DNA2: variants seen among roughly 807,000 people sequenced by gnomAD.
DNA2 encodes the protein DNA replication helicase/nuclease 2, also known as DNA replication ATP-dependent helicase/nuclease DNA2.
Under a neutral mutation model 119.1 loss-of-function variants are expected in DNA2, and 101 were observed. The ratio of observed to expected loss-of-function variants is 0.85; its 90% confidence interval spans 0.72 to 1.00. The LOEUF (loss-of-function observed/expected upper bound fraction) is 1.00, where lower values mean the gene tolerates loss of function less well. Ranked by LOEUF, DNA2 falls within the 50% of genes least tolerant of loss-of-function variation. The probability of loss-of-function intolerance (pLI) is 0.00; values close to 1 mark genes in which losing one functional copy is unlikely to be tolerated. For synonymous variants in DNA2, 366 were observed against 424.4 expected (o/e 0.86, Z 1.69); for missense variants, 1,121 against 1,255.5 (o/e 0.89, Z 1.62).
chr10:68,459,349 T>C (rs903113944), intron 4 of DNA2, 114 bp from the exon 5 acceptor site: 34 of 1,107,192 alleles, frequency 3.1e-5, no homozygotes, highest in Non-Finnish European at 3.5e-5. Flanking sequence ...AAAAAATACA[T>C]ATAAGCAACC....
chr10:68,466,665 G>A (rs1432659839), intron 3 of DNA2, among the ~76,000 whole-genome samples: 27 of 149,414 alleles, frequency 1.8e-4, no homozygotes, highest in African/African-American at 5.4e-4. Context: ...TGCAAGCTCC[G>A]CCTCCCAGGT....
At position 68,471,811 on chromosome 10, in the gene DNA2, C is replaced by T. The variant is rs370179897; in HGVS notation, c.54G>A (p.Glu18=). The T allele has an allele frequency of 6.2e-7, 1 of 1,605,932 alleles. No homozygotes were observed. The highest frequency in any genetic ancestry group is 8.5e-7 in the Non-Finnish European group (1 of 1,175,960). The part of the protein sequence containing the change: ...ELLMEKSFWE[E]AELPAELFQK... ...CTCACAGCTCCGCCGGCAGCTCCGC[C>T]TCCTCCCAAAAACTCTTCTCCATCA... The change falls in exon 1 of 21, where the codon GAG becomes GAA. Residue 18 remains glutamate (E), a synonymous_variant. Coordinates refer to ENST00000358410, the MANE Select transcript of DNA2 (RefSeq NM_001080449.3).
At position 68,414,827 on chromosome 10, in the gene DNA2, C is replaced by T. The variant is rs542925253; in HGVS notation, c.*212G>A. ...TCAAAGTCAAAAGTTAATCCATCTT[C>T]AAAGCTGGTAAAAATTTATCAAACT... On this transcript the variant is annotated 3_prime_UTR_variant, in exon 21 of 21. Transcript: ENST00000358410. The T allele has an allele frequency of 9.6e-5, 39 of 406,052 alleles. No individual in the cohort carries two copies. Among genetic ancestry groups the T allele is most frequent in the African/African-American group, 8.0e-4 (39 of 49,046 alleles). 25.2% of individuals were successfully genotyped at this position (406,052 alleles called of 1,614,324 possible).
chr10:68,433,676 T>C (rs746307491), intron 10 of DNA2, among the ~76,000 whole-genome samples: 1 of 152,082 alleles, frequency 6.6e-6, no homozygotes, highest in Non-Finnish European at 1.5e-5. Context: ...ACTACACGTG[T>C]ACACCACCAC....
intron 6 of DNA2, 70 bp from the exon 7 acceptor site, chr10:68,446,483 C>A: frequency 1.1e-6 from 1 of 943,264 alleles, no homozygotes; most frequent in South Asian, 1.6e-5. Context: ...GTCTTGCAAC[C>A]AACACATAAT....
intron 14 of DNA2, among the ~76,000 whole-genome samples, chr10:68,426,903 A>AT: frequency 6.6e-6 from 1 of 152,344 alleles, no homozygotes; most frequent in Middle Eastern, 3.4e-3. Context: ...TATGAGGAGG[A>AT]TAAAAAGCAA....
intron 4 of DNA2, among the ~76,000 whole-genome samples, chr10:68,460,030 T>TACACACACACACAA (rs1554909245): frequency 1.3e-4 from 19 of 145,602 alleles, no homozygotes; most frequent in African/African-American, 4.6e-4. Context: ...CCATCACAAA[T>TACACACACACACAA]ACACACACAC....
At chr10:68,446,205 G>A in intron 7 of DNA2, 91 bp downstream of exon 7, 1 of 681,056 alleles carries the variant, frequency 1.5e-6, no homozygotes, top group East Asian at 2.8e-5. Flanking sequence ...ATTAAGTGCT[G>A]TGAGTAGATT....
chr10:68,418,951 G>A (rs1338960702), intron 19 of DNA2, 83 bp downstream of exon 19: 2 of 1,309,250 alleles, frequency 1.5e-6, no homozygotes, highest in South Asian at 1.5e-5. Flanking sequence ...GGGATTACAG[G>A]TGTGAGCCAC....
intron 10 of DNA2, 136 bp from the exon 11 acceptor site, chr10:68,432,646 C>A: frequency 3.1e-6 from 2 of 655,014 alleles, no homozygotes; most frequent in Admixed American, 6.5e-5. Context: ...GTCACACTTG[C>A]CAATCAAGGA....
At chr10:68,433,407 CT>C (rs1419832659) in intron 10 of DNA2, among the ~76,000 whole-genome samples, 1 of 152,158 alleles carries the variant, frequency 6.6e-6, no homozygotes, top group Admixed American at 6.6e-5. Flanking sequence ...TTTAGTTTTT[CT>C]TCCATTAATG....
At chr10:68,471,722 C>G (rs2052384017) in intron 1 of DNA2, 69 bp downstream of exon 1, 2 of 1,476,742 alleles carry the variant, frequency 1.4e-6, no homozygotes, top group Admixed American at 2.5e-5. Flanking sequence ...GCGGTGCGGA[C>G]GCAGCCTCTC....
At chr10:68,430,075 C>T (rs1055043236) in intron 14 of DNA2, among the ~76,000 whole-genome samples, 10 of 151,584 alleles carry the variant, frequency 6.6e-5, no homozygotes, top group Non-Finnish European at 1.3e-4. Context: ...TTAGTAGAGA[C>T]AGGTTTTCAC....
chr10:68,436,990 A>G, intron 10 of DNA2, 21 bp downstream of exon 10: 2 of 1,571,556 alleles, frequency 1.3e-6, no homozygotes, highest in South Asian at 2.3e-5. Flanking sequence ...GCTGTTATCA[A>G]AAAAAGTAAC....
At chr10:68,453,272 G>A (rs895320525) in intron 5 of DNA2, among the ~76,000 whole-genome samples, 1 of 152,074 alleles carries the variant, frequency 6.6e-6, no homozygotes, top group African/African-American at 2.4e-5. Flanking sequence ...ACAAAATTTG[G>A]TATGTAACCA....
chr10:68,470,513 C>A, intron 1 of DNA2: 1 of 416,518 alleles, frequency 2.4e-6, no homozygotes, highest in Non-Finnish European at 4.7e-6. Context: ...ACTCAAGAGG[C>A]TGAGGTGGAA....
chr10:68,450,364 C>T (rs1564891282), intron 5 of DNA2, 117 bp from the exon 6 acceptor site: 1 of 772,442 alleles, frequency 1.3e-6, no homozygotes, highest in Admixed American at 2.7e-5. Flanking sequence ...AGTCTACCTA[C>T]CTTTACAGCA....
chr10:68,460,199 T>C (rs1031489312), intron 4 of DNA2, among the ~76,000 whole-genome samples: 6 of 152,030 alleles, frequency 3.9e-5, no homozygotes, highest in Non-Finnish European at 5.9e-5. Context: ...CTCTGCCTTA[T>C]AGGCTCAAGT....
intron 10 of DNA2, among the ~76,000 whole-genome samples, chr10:68,435,984 T>A (rs187239237): frequency 6.6e-6 from 1 of 152,348 alleles, no homozygotes; most frequent in East Asian, 1.9e-4. Flanking sequence ...ACATCATCAC[T>A]ATGGAACATA....
Sources: gnomAD v4.1 joint callset for allele counts (sites outside exome capture counted in the v4.1 genomes callset) on GRCh38, gnomAD v4.1.1 for gene constraint, MANE v1.5 for transcripts, NCBI Gene and HGNC (gene_info 2026-07-23, HGNC 2026-07-21) for gene names.